DSCAM: variants seen among roughly 807,000 people sequenced by gnomAD.
DSCAM encodes cell adhesion molecule DSCAM.
A neutral mutation model predicts 217.7 loss-of-function variants in DSCAM; 47 were observed. The ratio of observed to expected loss-of-function variants is 0.22; its 90% confidence interval spans 0.17 to 0.28. The LOEUF (loss-of-function observed/expected upper bound fraction) is 0.28, where lower values mean the gene tolerates loss of function less well. Ranked by LOEUF, DSCAM falls within the 10% of genes least tolerant of loss-of-function variation. The probability of loss-of-function intolerance (pLI) is 1.00; values close to 1 mark genes in which losing one functional copy is unlikely to be tolerated. For missense variants in DSCAM, 2,080 were observed against 2,618.3 expected (o/e 0.79, Z 4.49); for synonymous variants, 1,056 against 1,015.3 (o/e 1.04, Z -0.76).
chr21:40,630,989 T>A (rs2089684232), intron 3 of DSCAM, among the ~76,000 whole-genome samples: 1 of 152,198 alleles, frequency 6.6e-6, no homozygotes, highest in African/African-American at 2.4e-5. Context: ...TCAATCTGGA[T>A]AATAAAAGTA....
chr21:40,094,577 A>T (rs1030029893), intron 20 of DSCAM, among the ~76,000 whole-genome samples: 1 of 152,216 alleles, frequency 6.6e-6, no homozygotes, highest in Non-Finnish European at 1.5e-5. Context: ...CACCTGAAAG[A>T]ATTGGAGGTC....
chr21:40,756,168 T>C (rs1306604209), intron 1 of DSCAM, among the ~76,000 whole-genome samples: 1 of 152,148 alleles, frequency 6.6e-6, no homozygotes, highest in Admixed American at 6.5e-5. Context: ...GTCACGATAA[T>C]GAGTGAGTTC....
intron 5 of DSCAM, among the ~76,000 whole-genome samples, chr21:40,351,378 G>C (rs900965745): frequency 6.6e-6 from 1 of 152,202 alleles, no homozygotes; most frequent in South Asian, 2.1e-4. Flanking sequence ...GGAGAGTTCA[G>C]TTTGGTATCC....
intron 19 of DSCAM, among the ~76,000 whole-genome samples, chr21:40,127,180 C>G (rs1325397774): frequency 6.6e-6 from 1 of 152,098 alleles, no homozygotes; most frequent in Non-Finnish European, 1.5e-5. Flanking sequence ...GTTCTCTGTA[C>G]AGTAAGCACC....
chr21:40,248,918 G>A (rs1052341821), intron 11 of DSCAM, among the ~76,000 whole-genome samples: 4 of 152,184 alleles, frequency 2.6e-5, no homozygotes, highest in Admixed American at 6.5e-5. Flanking sequence ...ACATGGTGGC[G>A]GCAAGAGAAA....
chr21:40,708,752 G>C lies in DSCAM; in HGVS notation c.63C>G (p.His21Gln). The change falls in exon 2 of 33, where the codon CAC (histidine) becomes CAG (glutamine). Residue 21 changes from histidine (H) to glutamine (Q), a missense_variant. Around this residue, in one of 5 missense-constraint regions of DSCAM, gnomAD observed 568 missense variants for 678.1 expected, o/e 0.84. Transcript: ENST00000400454. ...SFANVFSEDL[H>Q]SSLYFVNASL... ...ATGCATTGACAAAGTAGAGGCTGGA[G>C]TGTAGGTCTTCACTGAAAACTGCAA... The C allele has an allele frequency of 6.3e-7, 1 of 1,577,624 alleles. No individual in the cohort carries two copies. The highest frequency in any genetic ancestry group is 1.8e-5 in the Admixed American group (1 of 56,504).
At chr21:40,532,406 G>A (rs1038114443) in intron 3 of DSCAM, among the ~76,000 whole-genome samples, 67 of 152,244 alleles carry the variant, frequency 4.4e-4, no homozygotes, top group Middle Eastern at 3.4e-3. Flanking sequence ...ATGCCTCACT[G>A]AATGAGCAGA....
intron 3 of DSCAM, among the ~76,000 whole-genome samples, chr21:40,525,009 C>CAAAAAAAAAATAA (rs2076389256): frequency 1.8e-5 from 1 of 56,122 alleles, no homozygotes; most frequent in African/African-American, 5.8e-5. Flanking sequence ...GACTCAGTCT[C>CAAAAAAAAAATAA]AAAAAAAAAA....
intron 3 of DSCAM, among the ~76,000 whole-genome samples, chr21:40,537,492 C>T (rs1334128903): frequency 1.3e-5 from 2 of 151,924 alleles, no homozygotes; most frequent in African/African-American, 4.8e-5. Context: ...ATATTCCCCA[C>T]CCCCACCAAA....
Position 40,356,892 on chromosome 21 carries a change from T to C in DSCAM, c.656-3149A>G, listed in dbSNP as rs1335572644. Among the ~76,000 whole-genome samples, 9 of 152,316 alleles carry C rather than the reference T, an allele frequency of 5.9e-5. No homozygotes were observed. In the South Asian group the frequency reaches 8.3e-4, roughly 14 times the overall value. On this transcript the variant is annotated intron_variant, in intron 4 of 32. Coordinates refer to ENST00000400454, the MANE Select transcript of DSCAM (RefSeq NM_001389.5). ...GGCAGTCAGCAGGCACTGTTGAAAA[T>C]AGAACAAAAACATTTAGCTGAAATG...
chr21:40,499,539 T>C, intron 3 of DSCAM, among the ~76,000 whole-genome samples: 1 of 152,230 alleles, frequency 6.6e-6, no homozygotes, highest in East Asian at 1.9e-4. Context: ...TCATTTACTA[T>C]GTGGGACAAA....
chr21:40,238,471 C>T (rs1417327101), intron 11 of DSCAM, among the ~76,000 whole-genome samples: 1 of 152,108 alleles, frequency 6.6e-6, no homozygotes, highest in Non-Finnish European at 1.5e-5. Context: ...GGCCTAACAG[C>T]GAGTAGGAGA....
At chr21:40,207,400 G>A (rs1233856972) in intron 11 of DSCAM, among the ~76,000 whole-genome samples, 2 of 152,142 alleles carry the variant, frequency 1.3e-5, no homozygotes, top group African/African-American at 4.8e-5. Flanking sequence ...AATGTCTGAT[G>A]GTACAGTCTT....
At position 40,161,421 on chromosome 21, in the gene DSCAM, TTA is replaced by T. The variant is rs1023563936; in HGVS notation, c.3018+5795_3018+5796del. Among the ~76,000 whole-genome samples, 56 of 140,978 alleles carry T rather than the reference TTA, an allele frequency of 4.0e-4. No homozygotes were observed. In the East Asian group the frequency reaches 6.1e-3, roughly 15 times the overall value. 92.5% of individuals were successfully genotyped at this position (140,978 alleles called of 152,430 possible). A position where few individuals can be genotyped will look rare whatever the true frequency, so the allele number is the denominator to read the frequency against. ...TTCTAGAAAGTCCACAGTTTTTTTT[TTA>T]AAAGCACCACCTCTTGATATGAACC... On this transcript the variant is annotated intron_variant, in intron 16 of 32. Transcript: ENST00000400454.
chr21:40,497,495 G>C (rs924766177), intron 3 of DSCAM, among the ~76,000 whole-genome samples: 3 of 152,030 alleles, frequency 2.0e-5, no homozygotes, highest in Admixed American at 2.0e-4. Context: ...GGAGATGTTG[G>C]TCAAAGACGA....
At chr21:40,481,777 G>T (rs1411760971) in intron 3 of DSCAM, among the ~76,000 whole-genome samples, 2 of 152,116 alleles carry the variant, frequency 1.3e-5, no homozygotes, top group African/African-American at 4.8e-5. Context: ...CACATGCACT[G>T]CCTAGTTACT....
chr21:40,085,630 A>T lies in DSCAM; in HGVS notation c.4104T>A (p.Asp1368Glu), dbSNP rs769806677. 3.2e-6 allele frequency: 5 copies of T among 1,574,642 alleles called. No individual in the cohort carries two copies. Among genetic ancestry groups the T allele is most frequent in the Non-Finnish European group, 4.3e-6 (5 of 1,149,994 alleles). Residue 1368 changes from aspartate to glutamate, a missense_variant, in exon 23 of 33, where the codon GAT (aspartate) becomes GAA (glutamate). Physicochemically the swap from Asp to Glu is conservative, Grantham distance 45. Around this residue, in one of 5 missense-constraint regions of DSCAM, gnomAD observed 1,144 missense variants for 1,421.1 expected, o/e 0.81. Transcript: ENST00000400454. ...GTACTTGTAAGTTTAAAATAATTTC[A>T]TCAGATCCCCAGTTGTTATTGGCAA... ...SCIANNNWGSDEIILNLQVQV... is the reference protein window; with the variant it reads ...SCIANNNWGSEEIILNLQVQV...
intron 3 of DSCAM, among the ~76,000 whole-genome samples, chr21:40,648,899 G>A (rs891546821): frequency 5.9e-5 from 9 of 152,110 alleles, no homozygotes; most frequent in African/African-American, 1.4e-4. Context: ...TCTTGGACAC[G>A]GGACAGGAGC....
Position 40,308,664 on chromosome 21 carries a change from A to G in DSCAM, c.2062+3417T>C, listed in dbSNP as rs184130072. 2.8e-3 allele frequency among the ~76,000 whole-genome samples: 427 copies of G among 152,276 alleles called. 2 individuals carry two copies. The highest frequency in any genetic ancestry group is 5.5e-3 in the Non-Finnish European group (371 of 68,022). On this transcript the variant is annotated intron_variant, in intron 9 of 32. Transcript: ENST00000400454. Reference sequence around the variant, plus strand: ...GCTCTGCACTCTCTGTCATGTGCAGAAAGTACCCCAAGCAGCTATCTGGGG... The same window carrying G: ...GCTCTGCACTCTCTGTCATGTGCAGGAAGTACCCCAAGCAGCTATCTGGGG...
Sources: gnomAD v4.1 joint callset for allele counts (sites outside exome capture counted in the v4.1 genomes callset) on GRCh38, gnomAD v4.1.1 for gene constraint, gnomAD v4.1.1 regional missense constraint, MANE v1.5 for transcripts, NCBI Gene and HGNC (gene_info 2026-07-23, HGNC 2026-07-21) for gene names.